Variants in SYTL5 observed in about 807,000 individuals in gnomAD.
SYTL5 encodes synaptotagmin like 5.
SYTL5 carries 34 observed loss-of-function variants against 55.9 expected under a neutral mutation model. That is an observed-to-expected ratio of 0.61 (90% confidence interval 0.46 to 0.81). The LOEUF is 0.81. SYTL5 is among the 30% of genes least tolerant of loss of function. The pLI is 0.00. For synonymous variants in SYTL5, 221 were observed against 188.7 expected (o/e 1.17, Z -1.40); for missense variants, 637 against 546.7 (o/e 1.17, Z -1.65).
the SYTL5 span, among the ~76,000 whole-genome samples, chrX:37,944,776 T>C: frequency 5.3e-5 from 6 of 112,643 alleles, no homozygotes; most frequent in East Asian, 1.4e-3. Flanking sequence ...AGACTGAGTC[T>C]CATTTTTCTA....
chrX:38,102,460 A>G, intron 10 of SYTL5, 26 bp downstream of exon 10: 1 of 1,061,274 alleles, frequency 9.4e-7, no homozygotes, highest in Non-Finnish European at 1.3e-6. Context: ...GGACATGTGG[A>G]AAGTTTCTTT....
At chrX:38,001,613 G>T (rs1469992399), upstream of SYTL5, among the ~76,000 whole-genome samples, 1 of 111,632 alleles carries the variant, frequency 9.0e-6, no homozygotes, top group Non-Finnish European at 1.9e-5. Flanking sequence ...CTTCCATGTT[G>T]TTGCAAATGA....
At chrX:38,042,231 A>G (rs962554636) in intron 2 of SYTL5, among the ~76,000 whole-genome samples, 1 of 110,510 alleles carries the variant, frequency 9.0e-6, no homozygotes, top group Non-Finnish European at 1.9e-5. Flanking sequence ...CTCTACATAT[A>G]TAAGTGGAGA....
At chrX:37,895,686 A>G in the SYTL5 span, among the ~76,000 whole-genome samples, 1 of 109,440 alleles carries the variant, frequency 9.1e-6, no homozygotes, top group African/African-American at 3.3e-5. Context: ...AGAAAAGAAA[A>G]AAACGTAGGA....
intron 7 of SYTL5, among the ~76,000 whole-genome samples, chrX:38,092,315 C>T (rs1936818018): frequency 9.0e-6 from 1 of 111,679 alleles, no homozygotes; most frequent in Non-Finnish European, 1.9e-5. Context: ...CCACGATAGG[C>T]TGTCTGCAAG....
the SYTL5 span, among the ~76,000 whole-genome samples, chrX:37,905,917 C>T: frequency 2.7e-5 from 3 of 112,976 alleles, no homozygotes; most frequent in Admixed American, 9.2e-5. Flanking sequence ...GCCTGGAGAC[C>T]GCGTCTCTCG....
At chrX:37,993,076 A>G in the SYTL5 span, among the ~76,000 whole-genome samples, 175 of 111,871 alleles carry the variant, frequency 1.6e-3, 1 homozygote, top group African/African-American at 5.4e-3. Context: ...AGACAAATGG[A>G]CAAAAGACTG....
the SYTL5 span, among the ~76,000 whole-genome samples, chrX:37,934,625 ATTTCTTTTTTT>A: frequency 9.4e-6 from 1 of 106,086 alleles, no homozygotes. Context: ...CAGAAATAAT[ATTTCTTTTTTT>A]TTTCTTTTTT....
chrX:38,124,153 G>T (rs143640859), intron 15 of SYTL5, among the ~76,000 whole-genome samples: 4 of 111,265 alleles, frequency 3.6e-5, no homozygotes, highest in African/African-American at 9.8e-5. Context: ...CAGCTGACAG[G>T]ACACTTTCCA....
In SYTL5 at chrX:38,033,544, A is replaced by T. The variant is rs1456549280; in HGVS notation, c.-346A>T. Reference sequence around the variant, plus strand: ...TCTCCACCGTCTTAGTGTTTTCTGCATTCTCTCCCAGCGGATCTGATTCCT... The same window carrying T: ...TCTCCACCGTCTTAGTGTTTTCTGCTTTCTCTCCCAGCGGATCTGATTCCT... On this transcript the variant is annotated 5_prime_UTR_variant, in exon 2 of 17. Coordinates refer to ENST00000297875, the MANE Select transcript of SYTL5 (RefSeq NM_138780.3). 1 of 118,596 alleles carries T rather than the reference A, an allele frequency of 8.4e-6. No individual in the cohort carries two copies. Among genetic ancestry groups the T allele is most frequent in the African/African-American group, 3.2e-5 (1 of 31,195 alleles). 9.8% of individuals were successfully genotyped at this position (118,596 alleles called of 1,213,427 possible).
At chrX:38,076,518 T>G (rs778944845) in intron 5 of SYTL5, 49 bp from the exon 6 acceptor site, 10 of 960,372 alleles carry the variant, frequency 1.0e-5, no homozygotes, top group Non-Finnish European at 1.4e-5. Context: ...ATGATATTTT[T>G]AAATGCTTTC....
intron 1 of SYTL5, among the ~76,000 whole-genome samples, chrX:38,024,465 C>G (rs775741571): frequency 1.8e-5 from 2 of 110,561 alleles, no homozygotes; most frequent in East Asian, 5.6e-4. Flanking sequence ...TTCTTCATAG[C>G]AGTATGAAAA....
rs1347095815 is a variant in SYTL5, at chrX:38,127,029, A to T, written c.*299A>T. 9.5e-6 allele frequency: 2 copies of T among 211,177 alleles called. No homozygotes were observed. Among genetic ancestry groups the T allele is most frequent in the African/African-American group, 5.8e-5 (2 of 34,620 alleles). 17.4% of individuals were successfully genotyped at this position (211,177 alleles called of 1,213,427 possible). On this transcript the variant is annotated 3_prime_UTR_variant, in exon 17 of 17. Transcript: ENST00000297875. Reference sequence around the variant, plus strand: ...TTTATGCCATAAAAGAAATGGCACAAGCCTCCATTTGCTAATTATAAGTTA... The same window carrying T: ...TTTATGCCATAAAAGAAATGGCACATGCCTCCATTTGCTAATTATAAGTTA...
chrX:37,929,264 G>C, the SYTL5 span, among the ~76,000 whole-genome samples: 1 of 111,144 alleles, frequency 9.0e-6, no homozygotes, highest in African/African-American at 3.3e-5. Flanking sequence ...GAGAGCACAA[G>C]ACAGAGGTCA....
Position 38,094,413 on chromosome X carries a change from C to T in SYTL5, c.950C>T (p.Ser317Phe). ...GTPSIAVSGT[S>F]LSSDQSRSEL... ...CCTTCCATAGCAGTGTCTGGAACCTCTCTCTCCTCAGGTGGGTATTTACAA... is the reference window on the plus strand; with the variant it reads ...CCTTCCATAGCAGTGTCTGGAACCTTTCTCTCCTCAGGTGGGTATTTACAA... The change falls in exon 8 of 17, where the codon TCT (serine) becomes TTT (phenylalanine). Residue 317 changes from serine to phenylalanine, a missense_variant. Ser to Phe is a radical substitution (Grantham distance 155). Transcript: ENST00000297875. The T allele has an allele frequency of 8.3e-7, 1 of 1,199,681 alleles. No individual in the cohort carries two copies. Among genetic ancestry groups the T allele is most frequent in the Non-Finnish European group, 1.1e-6 (1 of 887,418 alleles).
At chrX:37,970,117 A>C in the SYTL5 span, among the ~76,000 whole-genome samples, 2 of 112,052 alleles carry the variant, frequency 1.8e-5, no homozygotes, top group African/African-American at 6.5e-5. Context: ...TTTAATATTA[A>C]AGACCCATCT....
At chrX:37,956,930 C>T in the SYTL5 span, among the ~76,000 whole-genome samples, 1 of 112,002 alleles carries the variant, frequency 8.9e-6, no homozygotes, top group African/African-American at 3.2e-5. Context: ...GTTGCAATTT[C>T]ATCACATCTT....
At chrX:37,974,855 G>A in the SYTL5 span, among the ~76,000 whole-genome samples, 1 of 112,141 alleles carries the variant, frequency 8.9e-6, no homozygotes, top group Admixed American at 9.4e-5. Flanking sequence ...TATGTGTGTG[G>A]ATTTAATTAA....
the SYTL5 span, among the ~76,000 whole-genome samples, chrX:37,954,731 T>C: frequency 9.0e-6 from 1 of 111,486 alleles, no homozygotes; most frequent in African/African-American, 3.3e-5. Context: ...ATATTTCTGA[T>C]AGTTATAACT....
Sources: gnomAD v4.1 joint callset for allele counts (sites outside exome capture counted in the v4.1 genomes callset) on GRCh38, gnomAD v4.1.1 for gene constraint, MANE v1.5 for transcripts, NCBI Gene and HGNC (gene_info 2026-07-23, HGNC 2026-07-21) for gene names.